The following ST7 variants were observed in gnomAD, a reference collection of about 807,000 sequenced individuals.
ST7 encodes the protein suppression of tumorigenicity 7.
Under a neutral mutation model 78.7 loss-of-function variants are expected in ST7, and 28 were observed. The observed-to-expected ratio is 0.36, with a 90% CI of 0.26 to 0.49. ST7 has a LOEUF of 0.49. Ranked by LOEUF, ST7 falls within the 20% of genes least tolerant of loss-of-function variation. ST7 has a pLI of 0.99. For missense variants in ST7, 418 were observed against 696.0 expected (o/e 0.60, Z 4.49); for synonymous variants, 247 against 249.6 (o/e 0.99, Z 0.10).
intron 1 of ST7, among the ~76,000 whole-genome samples, chr7:117,003,730 C>T (rs1255184235): frequency 1.3e-5 from 2 of 152,168 alleles, no homozygotes; most frequent in South Asian, 2.1e-4. Context: ...CCATACCTGA[C>T]GAATGTGTAT....
intron 1 of ST7, chr7:116,966,240 T>C (rs1793104327): frequency 3.6e-6 from 1 of 276,214 alleles, no homozygotes; most frequent in Non-Finnish European, 7.5e-6. Context: ...TTTTTTCTTT[T>C]TTCTTTCTTT....
chr7:117,075,299 C>T (rs1018166124), intron 1 of ST7, among the ~76,000 whole-genome samples: 6 of 152,036 alleles, frequency 3.9e-5, no homozygotes, highest in African/African-American at 1.2e-4. Flanking sequence ...TATTATATGC[C>T]ATTGAACTCA....
chr7:117,218,297 G>A (rs1334916716), intron 13 of ST7, among the ~76,000 whole-genome samples: 2 of 152,100 alleles, frequency 1.3e-5, no homozygotes, highest in Non-Finnish European at 2.9e-5. Flanking sequence ...AATTACCTCC[G>A]TGAGTACTGT....
intron 1 of ST7, among the ~76,000 whole-genome samples, chr7:116,986,316 TTGAGAGGTGG>T (rs1238394004): frequency 6.6e-6 from 1 of 151,872 alleles, no homozygotes; most frequent in Non-Finnish European, 1.5e-5. Context: ...AGTCAATGAG[TTGAGAGGTGG>T]TGGTCATGTA....
intron 9 of ST7, among the ~76,000 whole-genome samples, chr7:117,162,174 G>A (rs897747559): frequency 3.3e-5 from 5 of 151,986 alleles, no homozygotes; most frequent in African/African-American, 4.8e-5. Context: ...GCCACTTTTT[G>A]TGAGAATAAA....
In ST7 at chr7:117,219,424, A is replaced by G. The variant is rs1563178516; in HGVS notation, c.1498+248A>G. On this transcript the variant is annotated intron_variant, in intron 14 of 15. Transcript: ENST00000323984. The surrounding 1 kb of genome is among the most constrained non-coding windows in gnomAD (Gnocchi z 5.1). ...ATTGAAATGTAGCTGAAGAAACCCT[A>G]TGTACTGATTGGCCTGAGCACAGAG... 6.6e-6 allele frequency among the ~76,000 whole-genome samples: 1 copy of G among 152,154 alleles called. No homozygotes were observed. The highest frequency in any genetic ancestry group is 6.5e-5 in the Admixed American group (1 of 15,282).
chr7:116,954,275 G>T (rs1014245791), intron 1 of ST7: 5 of 152,252 alleles, frequency 3.3e-5, no homozygotes, highest in African/African-American at 1.2e-4. Flanking sequence ...CCGGGCGTGG[G>T]GCTGTCTCTC....
At chr7:117,083,959 G>A (rs1799963408) in intron 1 of ST7, among the ~76,000 whole-genome samples, 2 of 152,152 alleles carry the variant, frequency 1.3e-5, no homozygotes, top group South Asian at 4.1e-4. Flanking sequence ...AACATTATTT[G>A]AGCATGTATG....
chr7:117,161,147 C>T (rs999544505), intron 9 of ST7, among the ~76,000 whole-genome samples: 7 of 151,094 alleles, frequency 4.6e-5, no homozygotes, highest in African/African-American at 1.7e-4. Context: ...GCTACAGAGC[C>T]AAACCCCTGA....
chr7:116,967,526 C>T, intron 1 of ST7: 1 of 382,400 alleles, frequency 2.6e-6, no homozygotes. Flanking sequence ...TAATTGTGTC[C>T]AGCCTTTCCA....
At chr7:117,164,187 C>T (rs1156320983) in intron 9 of ST7, among the ~76,000 whole-genome samples, 2 of 152,110 alleles carry the variant, frequency 1.3e-5, no homozygotes, top group Non-Finnish European at 2.9e-5. Context: ...AGAAATTCAT[C>T]CACATATCTA....
chr7:117,060,458 C>A (rs941328017), intron 1 of ST7, among the ~76,000 whole-genome samples: 1 of 152,136 alleles, frequency 6.6e-6, no homozygotes, highest in Non-Finnish European at 1.5e-5. Context: ...ATGGCACAAT[C>A]TTATCAAGTC....
intron 13 of ST7, among the ~76,000 whole-genome samples, chr7:117,214,177 CTA>C (rs1792506810): frequency 6.6e-6 from 1 of 152,104 alleles, no homozygotes; most frequent in Non-Finnish European, 1.5e-5. Flanking sequence ...CTTTAATTTT[CTA>C]GTTCTATATA....
At chr7:117,172,718 A>G (rs930981335) in intron 10 of ST7, among the ~76,000 whole-genome samples, 5 of 152,224 alleles carry the variant, frequency 3.3e-5, no homozygotes, top group African/African-American at 1.2e-4. Context: ...TCCCATGGCC[A>G]TGGGTTCAGG....
Position 117,119,654 on chromosome 7 carries a change from A to G in ST7, c.328A>G (p.Asn110Asp). ...GCGCCCCCTTCTGGGAGGGGTTGAC[A>G]ACAACTCTTCCAACAATTCTAATTC... ...HLRPLLGGVD[N>D]NSSNNSNSSN... The change falls in exon 3 of 16, where the codon AAC becomes GAC. Residue 110 changes from asparagine to aspartate, a missense_variant. By Grantham distance (23) the Asn-to-Asp change is conservative (BLOSUM62 1). This residue lies in a region of ST7 where 36 missense variants were observed against 29.7 expected (regional missense o/e 1.21). Transcript: ENST00000323984. The G allele has an allele frequency of 6.2e-7, 1 of 1,613,980 alleles. No homozygotes were observed. The highest frequency in any genetic ancestry group is 8.5e-7 in the Non-Finnish European group (1 of 1,180,010).
At chr7:117,134,411 A>G (rs1395379468) in intron 7 of ST7, among the ~76,000 whole-genome samples, 1 of 151,828 alleles carries the variant, frequency 6.6e-6, no homozygotes, top group Non-Finnish European at 1.5e-5. Flanking sequence ...TCCTTCACTC[A>G]CAAGCTCTTA....
Position 117,190,642 on chromosome 7 carries a change from G to T in ST7, c.1152-192G>T, listed in dbSNP as rs909420971. Among the ~76,000 whole-genome samples, 1 of 152,164 alleles carries T rather than the reference G, an allele frequency of 6.6e-6. No individual in the cohort carries two copies. Among genetic ancestry groups the T allele is most frequent in the Non-Finnish European group, 1.5e-5 (1 of 68,024 alleles). ...TCCTGCCATGACTAGATGCAAGCACGCTTTCTGCTTCTGCTGGGGTTTTTG... is the reference window on the plus strand; with the variant it reads ...TCCTGCCATGACTAGATGCAAGCACTCTTTCTGCTTCTGCTGGGGTTTTTG... On this transcript the variant is annotated intron_variant, in intron 11 of 15. Transcript: ENST00000323984. This position sits in a 1 kb window ranked among gnomAD's most constrained non-coding sequence, Gnocchi z 5.2.
In ST7 at chr7:117,023,777, T is replaced by TTATATA. The variant is rs10668527; in HGVS notation, c.151+70098_151+70103dup. On this transcript the variant is annotated intron_variant, in intron 1 of 15. Coordinates refer to ENST00000323984, the MANE Select transcript of ST7 (RefSeq NM_001369598.1). ...TGTATATTTGGAGTTCTTAATTTGA[T>TTATATA]TATATATATATATATATCGTGTGTG... is the stretch of plus-strand genomic sequence containing the variant. Among the ~76,000 whole-genome samples, 310 of 147,952 alleles carry TTATATA rather than the reference T, an allele frequency of 2.1e-3. 2 individuals carry two copies. Among genetic ancestry groups the TTATATA allele is most frequent in the African/African-American group, 3.7e-3 (148 of 40,504 alleles).
chr7:117,134,275 C>T (rs1804604884), intron 7 of ST7, 83 bp downstream of exon 7: 1 of 1,589,458 alleles, frequency 6.3e-7, no homozygotes, highest in Non-Finnish European at 8.6e-7. Context: ...ACCCCCATCA[C>T]CACACTTTCT....
Sources: gnomAD v4.1 joint callset for allele counts (sites outside exome capture counted in the v4.1 genomes callset) on GRCh38, gnomAD v4.1.1 for gene constraint, gnomAD v4.1.1 regional missense constraint, Gnocchi (gnomAD v3.1) non-coding constraint, MANE v1.5 for transcripts, NCBI Gene and HGNC (gene_info 2026-07-23, HGNC 2026-07-21) for gene names.